The following ITSN2 variants were observed in gnomAD, a reference collection of about 807,000 sequenced individuals.
The protein encoded by ITSN2 is intersectin-2.
A neutral mutation model predicts 243.7 loss-of-function variants in ITSN2; 156 were observed. The observed-to-expected ratio is 0.64, with a 90% CI of 0.56 to 0.73. The LOEUF is 0.73. ITSN2 is among the 30% of genes least tolerant of loss of function. The pLI is 0.00. For synonymous variants in ITSN2, 703 were observed against 699.9 expected (o/e 1.00, Z -0.07); for missense variants, 1,801 against 1,996.1 (o/e 0.90, Z 1.86).
At chr2:24,236,517 G>C (rs1460368661) in intron 29 of ITSN2, among the ~76,000 whole-genome samples, 1 of 152,138 alleles carries the variant, frequency 6.6e-6, no homozygotes, top group Non-Finnish European at 1.5e-5. Flanking sequence ...ACCAAAAAAA[G>C]TGATTACATT....
intron 1 of ITSN2, among the ~76,000 whole-genome samples, chr2:24,341,779 G>C (rs1419594262): frequency 6.6e-6 from 1 of 152,122 alleles, no homozygotes; most frequent in Non-Finnish European, 1.5e-5. Flanking sequence ...GCTTGAACCT[G>C]GGAGGTGGAG....
In ITSN2 at chr2:24,301,978, G is replaced by T; in HGVS notation, c.982C>A (p.Pro328Thr). The T allele has an allele frequency of 6.2e-7, 1 of 1,608,870 alleles. No individual in the cohort carries two copies. Among genetic ancestry groups the T allele is most frequent in the Non-Finnish European group, 8.5e-7 (1 of 1,177,204 alleles). ...AGGCACACTCACCTGAAAGATGGAG[G>T]AACAAGCTCAGGAGGTAAAGTCAGT... Reference protein sequence around the residue: ...LPLTLPPELVPPSFRGGKQID... With the variant: ...LPLTLPPELVTPSFRGGKQID... Residue 328 changes from proline to threonine, a missense_variant, in exon 10 of 40, where the codon CCT becomes ACT. By Grantham distance (38) the Pro-to-Thr change is conservative. Coordinates refer to ENST00000355123, the MANE Select transcript of ITSN2 (RefSeq NM_006277.3).
In ITSN2 at chr2:24,203,569, C is replaced by G. The variant is rs112277321; in HGVS notation, c.*57G>C. Reference sequence around the variant, plus strand: ...CCTCAGCCCCAAGAGAGCGCAGTCTCTCATTCTCCAGCCCCAGCCTTGTGG... The same window carrying G: ...CCTCAGCCCCAAGAGAGCGCAGTCTGTCATTCTCCAGCCCCAGCCTTGTGG... On this transcript the variant is annotated 3_prime_UTR_variant, in exon 40 of 40. Coordinates refer to ENST00000355123, the MANE Select transcript of ITSN2 (RefSeq NM_006277.3). 0.039 allele frequency: 61,022 copies of G among 1,555,762 alleles called. 1,417 individuals carry two copies. The highest frequency in any genetic ancestry group is 0.041 in the Middle Eastern group (185 of 4,522).
rs1028174212 is a variant in ITSN2 at position 24,302,029 on chromosome 2, T to C, written c.931A>G (p.Met311Val). 2.9e-5 allele frequency: 46 copies of C among 1,613,418 alleles called. No homozygotes were observed. Among genetic ancestry groups the C allele is most frequent in the Non-Finnish European group, 3.9e-5 (46 of 1,179,656 alleles). Reference sequence around the variant, plus strand: ...GGTAATGGCTGTCCAGCTTTGGCCATGTCAGTAAGGTGCATTGCAAGAATA... The same window carrying C: ...GGTAATGGCTGTCCAGCTTTGGCCACGTCAGTAAGGTGCATTGCAAGAATA... ...EFILAMHLTD[M>V]AKAGQPLPLT... is the part of the protein sequence containing the mutation. Residue 311 changes from methionine (M) to valine (V), a missense_variant, in exon 10 of 40, where the codon ATG (methionine) becomes GTG (valine). Physicochemically the swap from Met to Val is conservative, Grantham distance 21 (BLOSUM62 1). Transcript: ENST00000355123.
At chr2:24,228,687 C>T (rs1427265443) in intron 29 of ITSN2, among the ~76,000 whole-genome samples, 1 of 151,970 alleles carries the variant, frequency 6.6e-6, no homozygotes, top group African/African-American at 2.4e-5. Flanking sequence ...CAGTAGAGGG[C>T]AATAAAAGAA....
chr2:24,360,147 G>A (rs1189553631), intron 1 of ITSN2, among the ~76,000 whole-genome samples, 157 bp downstream of exon 1: 1 of 152,062 alleles, frequency 6.6e-6, no homozygotes, highest in Admixed American at 6.5e-5. Flanking sequence ...AGCCCGCCAG[G>A]GGCCTAGCTC....
At chr2:24,217,271 G>A (rs1347922195) in intron 31 of ITSN2, among the ~76,000 whole-genome samples, 1 of 151,998 alleles carries the variant, frequency 6.6e-6, no homozygotes, top group Non-Finnish European at 1.5e-5. Context: ...ATACACTTGG[G>A]TGTTTCAAGG....
chr2:24,272,727 G>A (rs183706296), intron 18 of ITSN2, among the ~76,000 whole-genome samples: 5 of 152,020 alleles, frequency 3.3e-5, no homozygotes, highest in African/African-American at 9.7e-5. Context: ...GAGCCACTGC[G>A]CCCAGTCTAC....
intron 23 of ITSN2, 33 bp from the exon 24 acceptor site, chr2:24,254,464 C>A (rs768459533): frequency 6.5e-7 from 1 of 1,532,212 alleles, no homozygotes; most frequent in Non-Finnish European, 9.0e-7. Flanking sequence ...AACAAACAAA[C>A]AAACAAATAC....
intron 15 of ITSN2, among the ~76,000 whole-genome samples, chr2:24,290,051 C>T (rs1574169215): frequency 1.3e-5 from 2 of 152,150 alleles, no homozygotes; most frequent in South Asian, 4.2e-4. Context: ...GTCAAATACT[C>T]GTTCTGTTAT....
Position 24,204,767 on chromosome 2 carries a change from A to G in ITSN2, c.4763-349T>C. 2.0e-6 allele frequency: 1 copy of G among 491,816 alleles called. No individual in the cohort carries two copies. The highest frequency in any genetic ancestry group is 4.0e-6 in the Non-Finnish European group (1 of 250,756). 30.5% of individuals were successfully genotyped at this position (491,816 alleles called of 1,614,324 possible). On this transcript the variant is annotated intron_variant, in intron 38 of 39. Coordinates refer to ENST00000355123, the MANE Select transcript of ITSN2 (RefSeq NM_006277.3). The surrounding 1 kb of genome is among the most constrained non-coding windows in gnomAD (Gnocchi z 5.1). Reference sequence around the variant, plus strand: ...TTACTGGGAAAACAGTGATAAGAATATTGGTCCAATATGCGCATTTTAGTG... The same window carrying G: ...TTACTGGGAAAACAGTGATAAGAATGTTGGTCCAATATGCGCATTTTAGTG...
chr2:24,206,181 A>G, intron 37 of ITSN2: 1 of 367,086 alleles, frequency 2.7e-6, no homozygotes, highest in Non-Finnish European at 5.5e-6. Context: ...TGATTTTTCA[A>G]CAGCAAGCTT....
At chr2:24,291,972 A>G (rs2384007) in intron 15 of ITSN2, among the ~76,000 whole-genome samples, 27,587 of 152,148 alleles carry the variant, frequency 0.18, 2,849 homozygotes, top group Non-Finnish European at 0.24. Flanking sequence ...ATCCTGGGTA[A>G]CTACTTAATC....
chr2:24,344,489 TTTCTC>T (rs1262721830), intron 1 of ITSN2, among the ~76,000 whole-genome samples: 1 of 152,224 alleles, frequency 6.6e-6, no homozygotes, highest in Non-Finnish European at 1.5e-5. Flanking sequence ...TAAATTTTCA[TTTCTC>T]TGATCATTAG....
intron 26 of ITSN2, 28 bp downstream of exon 26, chr2:24,248,809 A>T: frequency 6.2e-7 from 1 of 1,613,456 alleles, no homozygotes; most frequent in Non-Finnish European, 8.5e-7. Flanking sequence ...ACACGTTAGT[A>T]ATTTTTTAAG....
At chr2:24,214,646 TTCTC>T (rs1308534775) in intron 32 of ITSN2, among the ~76,000 whole-genome samples, 3 of 152,186 alleles carry the variant, frequency 2.0e-5, no homozygotes, top group African/African-American at 4.8e-5. Flanking sequence ...TTTTTCCTCT[TTCTC>T]TATTAGATTC....
Position 24,265,020 on chromosome 2 carries a change from G to C in ITSN2, c.2356-3278C>G, listed in dbSNP as rs111609441. Among the ~76,000 whole-genome samples the C allele has an allele frequency of 3.8e-3, 580 of 152,106 alleles. 4 individuals are homozygous for C. Among genetic ancestry groups the C allele is most frequent in the Non-Finnish European group, 6.5e-3 (444 of 67,986 alleles). The stretch of plus-strand genomic sequence containing the variant: ...TGCCCGGGTTGATCTCGAACTCCTG[G>C]TCTCACGCAATCTTCCCATTTTGGT... On this transcript the variant is annotated intron_variant, in intron 20 of 39. Transcript: ENST00000355123.
rs190081716 is a variant in ITSN2 at position 24,305,333 on chromosome 2, A to G, written c.794-1471T>C. On this transcript the variant is annotated intron_variant, in intron 8 of 39. Coordinates refer to ENST00000355123, the MANE Select transcript of ITSN2 (RefSeq NM_006277.3). ...AAACAGACCAGTGGACAGGCGCGGT[A>G]GCTCACGTCTGTAATCCCAGAACTT... Among the ~76,000 whole-genome samples, 225 of 152,238 alleles carry G rather than the reference A, an allele frequency of 1.5e-3. 1 individual carries two copies. The highest frequency in any genetic ancestry group is 5.1e-3 in the African/African-American group (212 of 41,542).
At chr2:24,214,190 T>G (rs1669752855) in intron 32 of ITSN2, among the ~76,000 whole-genome samples, 1 of 152,214 alleles carries the variant, frequency 6.6e-6, no homozygotes, top group East Asian at 1.9e-4. Flanking sequence ...AATGCTTAAT[T>G]TTATGAATTG....
Sources: allele counts gnomAD v4.1 joint callset (sites outside exome capture counted in the v4.1 genomes callset), GRCh38; gene constraint gnomAD v4.1.1; non-coding constraint Gnocchi (gnomAD v3.1); transcripts MANE v1.5; gene names NCBI Gene and HGNC (gene_info 2026-07-23, HGNC 2026-07-21).